Variants in ASTN2 observed in about 807,000 individuals in gnomAD.
The protein encoded by ASTN2 is astrotactin 2.
ASTN2 carries 54 observed loss-of-function variants against 139.8 expected under a neutral mutation model. That is an observed-to-expected ratio of 0.39 (90% CI 0.31 to 0.48). ASTN2 has a LOEUF of 0.48. Ranked by LOEUF, ASTN2 falls within the 20% of genes least tolerant of loss-of-function variation. ASTN2 has a pLI of 0.95. For synonymous variants in ASTN2, 756 were observed against 719.5 expected, an observed-to-expected ratio of 1.05 and a Z score of -0.81; for missense variants, 1,565 against 1,725.1, an observed-to-expected ratio of 0.91 and a Z score of 1.64.
chr9:117,136,743 C>T (rs931427824), intron 4 of ASTN2, among the ~76,000 whole-genome samples: 9 of 152,230 alleles, frequency 5.9e-5, no homozygotes, highest in South Asian at 2.1e-4. Flanking sequence ...ATTTATGAGA[C>T]GCTGCAGGCC....
intron 16 of ASTN2, chr9:116,700,165 G>T: frequency 4.6e-6 from 1 of 219,012 alleles, no homozygotes. Flanking sequence ...GCTTCAGTGG[G>T]ATCTGCTCCA....
intron 3 of ASTN2, among the ~76,000 whole-genome samples, chr9:117,158,088 C>T (rs1198597733): frequency 6.6e-6 from 1 of 151,820 alleles, no homozygotes; most frequent in Non-Finnish European, 1.5e-5. Flanking sequence ...AATACTTATA[C>T]AAAATAAAAA....
In ASTN2 at chr9:117,120,018, G is replaced by GTATATATATATATATATA. The variant is rs200361826; in HGVS notation, c.1168+21290_1168+21307dup. 1.2e-3 allele frequency among the ~76,000 whole-genome samples: 55 copies of GTATATATATATATATATA among 45,982 alleles called. 2 individuals carry two copies. Among genetic ancestry groups the GTATATATATATATATATA allele is most frequent in the East Asian group, 3.5e-3 (3 of 868 alleles). The allele number at this position is 45,982 out of a possible 152,430, so 30.2% of individuals were successfully genotyped here. On this transcript the variant is annotated intron_variant, in intron 4 of 22. Coordinates refer to ENST00000313400, the MANE Select transcript of ASTN2 (RefSeq NM_001365068.1). The stretch of plus-strand genomic sequence containing the variant: ...TGTGTGTGTGTGTGTGTGTGTGTGT[G>GTATATATATATATATATA]TATATATATATATATATATATATAT...
intron 7 of ASTN2, among the ~76,000 whole-genome samples, chr9:117,003,877 T>C (rs1185719276): frequency 2.0e-5 from 3 of 151,446 alleles, no homozygotes; most frequent in Admixed American, 1.3e-4. Flanking sequence ...TGCAGAGATA[T>C]ATAATCCCAC....
intron 1 of ASTN2, among the ~76,000 whole-genome samples, chr9:117,405,866 C>T (rs567104694): frequency 6.6e-6 from 1 of 152,344 alleles, no homozygotes; most frequent in South Asian, 2.1e-4. Context: ...GATCTTTCCT[C>T]TAATCACATT....
chr9:117,319,337 A>G (rs915475078), intron 1 of ASTN2, among the ~76,000 whole-genome samples: 5 of 152,192 alleles, frequency 3.3e-5, no homozygotes, highest in African/African-American at 1.2e-4. Flanking sequence ...CTACCACTTA[A>G]TAATTGTATG....
chr9:116,732,062 T>C (rs368364193), intron 14 of ASTN2, among the ~76,000 whole-genome samples: 3 of 152,338 alleles, frequency 2.0e-5, no homozygotes, highest in East Asian at 3.9e-4. Flanking sequence ...TTTTACAAGG[T>C]GTCTTTTACA....
chr9:117,383,431 C>T (rs1354743520), intron 1 of ASTN2, among the ~76,000 whole-genome samples: 2 of 152,134 alleles, frequency 1.3e-5, no homozygotes, highest in African/African-American at 4.8e-5. Context: ...TGAATATATA[C>T]ATTTGTCAAA....
Position 116,920,278 on chromosome 9 carries a change from C to T in ASTN2, c.1889+54930G>A, listed in dbSNP as rs542437272. Among the ~76,000 whole-genome samples, 5 of 152,298 alleles carry T rather than the reference C, an allele frequency of 3.3e-5. No individual in the cohort carries two copies. The East Asian group carries it at 9.7e-4, about 29-fold the overall frequency. Reference sequence around the variant, plus strand: ...AGCTTCCAGGCTCAGATGAGTAGGGCCAGCTGGCTTTGCTCTACATAGAGG... The same window carrying T: ...AGCTTCCAGGCTCAGATGAGTAGGGTCAGCTGGCTTTGCTCTACATAGAGG... On this transcript the variant is annotated intron_variant, in intron 10 of 22. Coordinates refer to ENST00000313400, the MANE Select transcript of ASTN2 (RefSeq NM_001365068.1).
At chr9:116,880,158 A>G (rs1833415756) in intron 10 of ASTN2, among the ~76,000 whole-genome samples, 2 of 152,210 alleles carry the variant, frequency 1.3e-5, no homozygotes, top group African/African-American at 4.8e-5. Context: ...CACTGGTGAC[A>G]AAGTCACAGG....
chr9:116,710,503 G>A (rs571876437), intron 16 of ASTN2, among the ~76,000 whole-genome samples: 3 of 128,514 alleles, frequency 2.3e-5, no homozygotes, highest in African/African-American at 6.9e-5. Context: ...GGCCAAGGAG[G>A]GGGGAATCAC....
intron 10 of ASTN2, among the ~76,000 whole-genome samples, chr9:116,948,785 G>GTTTTTTTTTTTTTTGTTTTT (rs1835472487): frequency 4.0e-5 from 2 of 49,472 alleles, no homozygotes; most frequent in Non-Finnish European, 3.4e-5. Flanking sequence ...ATAATTTGGT[G>GTTTTTTTTTTTTTTGTTTTT]TTTTTTTTTT....
intron 2 of ASTN2, among the ~76,000 whole-genome samples, chr9:117,288,684 TC>T (rs1341297920): frequency 2.0e-5 from 3 of 152,138 alleles, no homozygotes. Context: ...ATGTAAACAC[TC>T]TTTTTGTTCT....
intron 13 of ASTN2, among the ~76,000 whole-genome samples, chr9:116,796,309 G>A (rs1830686404): frequency 1.3e-5 from 2 of 152,154 alleles, no homozygotes; most frequent in South Asian, 4.2e-4. Context: ...TCCCAAAATT[G>A]TTGGATCATG....
At chr9:116,789,786 G>A (rs1223602792) in intron 13 of ASTN2, among the ~76,000 whole-genome samples, 1 of 152,164 alleles carries the variant, frequency 6.6e-6, no homozygotes, top group Non-Finnish European at 1.5e-5. Context: ...ATGATTTCAA[G>A]TGTGACAGGA....
chr9:116,964,265 G>GCGTGCGCGCA (rs1554765685), intron 10 of ASTN2, among the ~76,000 whole-genome samples: 1 of 149,810 alleles, frequency 6.7e-6, no homozygotes, highest in Non-Finnish European at 1.5e-5. Context: ...GTGCGCGCGC[G>GCGTGCGCGCA]CGCGTGTGTG....
At chr9:116,991,961 C>G (rs1009986143) in intron 7 of ASTN2, among the ~76,000 whole-genome samples, 11 of 152,152 alleles carry the variant, frequency 7.2e-5, no homozygotes, top group Admixed American at 2.0e-4. Context: ...ACACATGCCC[C>G]AGATCCTCTG....
intron 4 of ASTN2, among the ~76,000 whole-genome samples, chr9:117,109,267 G>T (rs1309574810): frequency 6.6e-6 from 1 of 151,470 alleles, no homozygotes; most frequent in Non-Finnish European, 1.5e-5. Flanking sequence ...GGGCGACAGA[G>T]GGAGACTCTG....
chr9:117,220,265 C>T (rs1832470562), intron 2 of ASTN2, among the ~76,000 whole-genome samples: 1 of 152,058 alleles, frequency 6.6e-6, no homozygotes, highest in Non-Finnish European at 1.5e-5. Flanking sequence ...GTACACAAAA[C>T]CCCTCATGAC....
Sources: gnomAD v4.1 joint callset for allele counts (sites outside exome capture counted in the v4.1 genomes callset) on GRCh38, gnomAD v4.1.1 for gene constraint, MANE v1.5 for transcripts, NCBI Gene and HGNC (gene_info 2026-07-23, HGNC 2026-07-21) for gene names.